The following NUP85 variants were observed in gnomAD, a reference collection of about 807,000 sequenced individuals.
NUP85 encodes the protein nuclear pore complex protein Nup85.
A neutral mutation model predicts 92.8 loss-of-function variants in NUP85; 23 were observed. The observed-to-expected ratio is 0.25, with a 90% CI of 0.18 to 0.35. The LOEUF is 0.35. Ranked by LOEUF, NUP85 falls within the 10% of genes least tolerant of loss-of-function variation. The pLI is 1.00. For synonymous variants in NUP85, 314 were observed against 306.9 expected, an observed-to-expected ratio of 1.02 and a Z score of -0.24; for missense variants, 759 against 822.8, an observed-to-expected ratio of 0.92 and a Z score of 0.95.
intron 4 of NUP85, 29 bp downstream of exon 4, chr17:75,212,091 T>C (rs377216149): frequency 0.017 from 21,903 of 1,283,830 alleles, 495 homozygotes; most frequent in African/African-American, 0.13. Context: ...TGCGCGCGTG[T>C]GTGTGTGTGT....
In NUP85 at chr17:75,231,494, C is replaced by T. The variant is rs2076056359; in HGVS notation, c.1178+71C>T. ...CCCCGAGGGTGGTGTGAACTGAATG[C>T]CTGAAAGGGAGGTTGGGCTAAGGGG... On this transcript the variant is annotated intron_variant, in intron 12 of 18. Coordinates refer to ENST00000245544, the MANE Select transcript of NUP85 (RefSeq NM_024844.5). This position sits in a 1 kb window ranked among gnomAD's most constrained non-coding sequence, Gnocchi z 4.6. 1.2e-6 allele frequency: 2 copies of T among 1,607,350 alleles called. No homozygotes were observed. Among genetic ancestry groups the T allele is most frequent in the South Asian group, 1.1e-5 (1 of 90,950 alleles).
At chr17:75,208,175 C>T in intron 1 of NUP85, 1 of 214,658 alleles carries the variant, frequency 4.7e-6, no homozygotes, top group Non-Finnish European at 9.1e-6. Flanking sequence ...GTGGCTCGCG[C>T]CTGTAGTCCT....
At chr17:75,215,936 C>T (rs772007867) in intron 6 of NUP85, 113 bp downstream of exon 6, 4 of 960,650 alleles carry the variant, frequency 4.2e-6, no homozygotes, top group Non-Finnish European at 6.4e-6. Context: ...AATGTTCTTT[C>T]CATCATTATA....
rs777614228 is a variant in NUP85, at chr17:75,209,937, G to A, written c.242G>A (p.Gly81Asp). 1 of 1,582,794 alleles carries A rather than the reference G, an allele frequency of 6.3e-7. No individual in the cohort carries two copies. Among genetic ancestry groups the A allele is most frequent in the Non-Finnish European group, 8.5e-7 (1 of 1,172,020 alleles). The change falls in exon 3 of 19, where the codon GGC (glycine) becomes GAC (aspartate). Residue 81 changes from glycine (G) to aspartate (D), a missense_variant. Gly to Asp is a moderately conservative substitution (Grantham distance 94). Transcript: ENST00000245544. ...LFNESHGIFL[G>D]LQRIDEELTG... is the part of the protein sequence containing the mutation. ...AATGAATCCCATGGAATCTTTCTGG[G>A]CCTCCAGAGAATTGACGAAGAGTTG... is the stretch of plus-strand genomic sequence containing the variant.
At chr17:75,223,533 A>G (rs2075659339) in intron 7 of NUP85, among the ~76,000 whole-genome samples, 1 of 151,852 alleles carries the variant, frequency 6.6e-6, no homozygotes, top group South Asian at 2.1e-4. Context: ...GACTACAGGC[A>G]TGCACCATCA....
intron 7 of NUP85, among the ~76,000 whole-genome samples, chr17:75,224,830 A>AG (rs1369062944): frequency 1.2e-4 from 1 of 8,598 alleles, no homozygotes; most frequent in African/African-American, 2.4e-4. Context: ...GGAACTCTGG[A>AG]AAAAAAAAAA....
chr17:75,227,073 G>C (rs8066883), intron 11 of NUP85: 163,259 of 176,700 alleles, frequency 0.92, 76,400 homozygotes, highest in Non-Finnish European at 1. Flanking sequence ...CCCCTTCCTT[G>C]TTGTGCACCC....
At chr17:75,235,252 C>CCCA in intron 18 of NUP85, 51 bp downstream of exon 18, 1 of 1,361,786 alleles carries the variant, frequency 7.3e-7, no homozygotes, top group East Asian at 2.3e-5. Flanking sequence ...GGAAAAGGCT[C>CCCA]CCTCTATCTC....
At chr17:75,230,902 A>G (rs1416462740) in intron 11 of NUP85, among the ~76,000 whole-genome samples, 4 of 150,178 alleles carry the variant, frequency 2.7e-5, no homozygotes, top group African/African-American at 9.8e-5. Flanking sequence ...TCTGGGTGAC[A>G]GAGCAAGACT....
chr17:75,212,266 T>TTG (rs1568069766), intron 4 of NUP85, among the ~76,000 whole-genome samples: 1 of 42,764 alleles, frequency 2.3e-5, no homozygotes, highest in African/African-American at 7.7e-5. Flanking sequence ...TTTTTTTTTT[T>TTG]TTTTTTTTTT....
At chr17:75,235,014 G>A (rs1286928618) in intron 17 of NUP85, 86 bp from the exon 18 acceptor site, 22 of 1,165,908 alleles carry the variant, frequency 1.9e-5, no homozygotes, top group Non-Finnish European at 2.7e-5. Flanking sequence ...GGGTATGAAA[G>A]GAAGAACGTC....
At position 75,212,078 on chromosome 17, in the gene NUP85, G is replaced by T. The variant is rs111569279; in HGVS notation, c.361+16G>T. On this transcript the variant is annotated intron_variant, in intron 4 of 18. Coordinates refer to ENST00000245544, the MANE Select transcript of NUP85 (RefSeq NM_024844.5). ...CAGGTTGCAAGTAAGGACTGTGTGC[G>T]CGTGCGCGCGTGTGTGTGTGTGTGT... The T allele has an allele frequency of 3.4e-6, 5 of 1,480,314 alleles. No individual in the cohort carries two copies. In the Admixed American group the frequency reaches 1.0e-4, roughly 31 times the overall value. 91.7% of individuals were successfully genotyped at this position (1,480,314 alleles called of 1,614,324 possible).
intron 7 of NUP85, among the ~76,000 whole-genome samples, chr17:75,223,513 G>A (rs139769982): frequency 0.051 from 7,758 of 152,004 alleles, 318 homozygotes; most frequent in South Asian, 0.17. Context: ...TCAGCCTCCC[G>A]AGTAGCTGGG....
chr17:75,230,363 T>TTTG (rs1555666942), intron 11 of NUP85, among the ~76,000 whole-genome samples: 2 of 4,954 alleles, frequency 4.0e-4, no homozygotes, highest in African/African-American at 9.1e-4. Context: ...ATGTTTTTTG[T>TTTG]TTTTTTTTTT....
intron 11 of NUP85, chr17:75,228,049 G>C (rs983343563): frequency 8.6e-6 from 2 of 233,280 alleles, no homozygotes; most frequent in Non-Finnish European, 1.4e-5. Context: ...ACACACCATC[G>C]TTTGGCTTTG....
intron 4 of NUP85, among the ~76,000 whole-genome samples, chr17:75,212,263 T>G (rs1428503337): frequency 8.2e-4 from 33 of 40,012 alleles, no homozygotes; most frequent in African/African-American, 2.4e-3. Flanking sequence ...TTTTTTTTTT[T>G]TTTTTTTTTT....
At position 75,233,065 on chromosome 17, in the gene NUP85, A is replaced by G. The variant is rs764777983; in HGVS notation, c.1522A>G (p.Arg508Gly). Residue 508 changes from arginine to glycine, a missense_variant, in exon 16 of 19, where the codon AGG becomes GGG. Arg to Gly is a moderately radical substitution (Grantham distance 125). Coordinates refer to ENST00000245544, the MANE Select transcript of NUP85 (RefSeq NM_024844.5). Reference sequence around the variant, plus strand: ...CTGGGCCGGGCCCTGCAGGTTCCTCAGGGATTACTGTGAGCGAGGCTGCTT... The same window carrying G: ...CTGGGCCGGGCCCTGCAGGTTCCTCGGGGATTACTGTGAGCGAGGCTGCTT... ...FATLVSDRFL[R>G]DYCERGCFSD... 1.7e-5 allele frequency: 27 copies of G among 1,613,992 alleles called. No individual in the cohort carries two copies. Among genetic ancestry groups the G allele is most frequent in the Non-Finnish European group, 2.3e-5 (27 of 1,180,016 alleles).
Position 75,225,809 on chromosome 17 carries a change from G to C in NUP85, c.967G>C (p.Asp323His), listed in dbSNP as rs1183954631. ...CTCCAATCCCACAGTAAAACCCATT[G>C]ATCTGCACTACTATGCCCAGGTGAG... is the stretch of plus-strand genomic sequence containing the variant. ...LYSNPTVKPIDLHYYAQSSLD... is the reference protein window; with the variant it reads ...LYSNPTVKPIHLHYYAQSSLD... The change falls in exon 10 of 19, where the codon GAT (aspartate) becomes CAT (histidine). Residue 323 changes from aspartate (D) to histidine (H), a missense_variant. Transcript: ENST00000245544. 1.9e-6 allele frequency: 3 copies of C among 1,607,608 alleles called. No homozygotes were observed. Among genetic ancestry groups the C allele is most frequent in the Non-Finnish European group, 2.6e-6 (3 of 1,176,246 alleles).
intron 7 of NUP85, among the ~76,000 whole-genome samples, chr17:75,222,132 C>A (rs1397090319): frequency 6.6e-6 from 1 of 152,044 alleles, no homozygotes; most frequent in South Asian, 2.1e-4. Flanking sequence ...CAGCCTTGAC[C>A]GCCTAAGCTC....
Sources: allele counts gnomAD v4.1 joint callset (sites outside exome capture counted in the v4.1 genomes callset), GRCh38; gene constraint gnomAD v4.1.1; non-coding constraint Gnocchi (gnomAD v3.1); transcripts MANE v1.5; gene names NCBI Gene and HGNC (gene_info 2026-07-23, HGNC 2026-07-21).